Variants in DNA2 observed in about 807,000 individuals in gnomAD.
DNA2 encodes DNA replication helicase/nuclease 2.
A neutral mutation model predicts 119.1 loss-of-function variants in DNA2; 101 were observed. The observed-to-expected ratio is 0.85, with a 90% CI of 0.72 to 1.00. DNA2 has a LOEUF of 1.00. Ranked by LOEUF, DNA2 falls within the 50% of genes least tolerant of loss-of-function variation. DNA2 has a pLI of 0.00. For synonymous variants in DNA2, 366 were observed against 424.4 expected, an observed-to-expected ratio of 0.86 and a Z score of 1.69; for missense variants, 1,121 against 1,255.5, an observed-to-expected ratio of 0.89 and a Z score of 1.62.
At chr10:68,462,308 T>C (rs937742603) in intron 4 of DNA2, among the ~76,000 whole-genome samples, 2 of 151,764 alleles carry the variant, frequency 1.3e-5, no homozygotes, top group South Asian at 4.2e-4. Flanking sequence ...GAGGTGGAGG[T>C]TGCAGTGAGC....
intron 5 of DNA2, among the ~76,000 whole-genome samples, chr10:68,458,032 G>T (rs1008899719): frequency 9.9e-5 from 15 of 151,868 alleles, no homozygotes; most frequent in African/African-American, 3.6e-4. Context: ...AACTAGCCAG[G>T]TGTGGTGGCA....
At chr10:68,445,161 T>C in intron 7 of DNA2, 78 bp from the exon 8 acceptor site, 1 of 1,357,876 alleles carries the variant, frequency 7.4e-7, no homozygotes, top group Non-Finnish European at 1.0e-6. Flanking sequence ...ATGTAAAACT[T>C]GCAGATTTAA....
intron 19 of DNA2, among the ~76,000 whole-genome samples, chr10:68,417,455 G>C (rs1162385000): frequency 1.3e-5 from 2 of 148,558 alleles, no homozygotes; most frequent in African/African-American, 5.0e-5. Context: ...TAGAGCTCGG[G>C]AGTTGCCCAT....
At chr10:68,451,160 C>G (rs1207067358) in intron 5 of DNA2, among the ~76,000 whole-genome samples, 1 of 151,594 alleles carries the variant, frequency 6.6e-6, no homozygotes, top group East Asian at 1.9e-4. Context: ...GGCTCATTCA[C>G]CCAACACTTC....
intron 5 of DNA2, among the ~76,000 whole-genome samples, chr10:68,455,561 C>T (rs1253382339): frequency 3.3e-5 from 5 of 152,120 alleles, no homozygotes; most frequent in South Asian, 2.1e-4. Context: ...TGGCTCATGC[C>T]TGTAATCCCA....
At position 68,448,561 on chromosome 10, in the gene DNA2, T is replaced by A. The variant is rs550189199; in HGVS notation, c.939+1467A>T. Among the ~76,000 whole-genome samples, 166 of 152,356 alleles carry A rather than the reference T, an allele frequency of 1.1e-3. 1 individual carries two copies. Among genetic ancestry groups the A allele is most frequent in the African/African-American group, 3.7e-3 (155 of 41,600 alleles). ...ATGCAATATAAATTCCAACTTTTTT[T>A]AAGCCTTGTTCTAGCAAATTTCCTC... On this transcript the variant is annotated intron_variant, in intron 6 of 20. Coordinates refer to ENST00000358410, the MANE Select transcript of DNA2 (RefSeq NM_001080449.3).
chr10:68,458,415 C>A (rs951821626), intron 5 of DNA2, among the ~76,000 whole-genome samples: 1 of 151,144 alleles, frequency 6.6e-6, no homozygotes, highest in Non-Finnish European at 1.5e-5. Flanking sequence ...CGCCTGTAAT[C>A]CCAGGTACTT....
intron 4 of DNA2, among the ~76,000 whole-genome samples, chr10:68,462,224 T>G (rs887373248): frequency 1.3e-5 from 2 of 151,874 alleles, no homozygotes; most frequent in Non-Finnish European, 2.9e-5. Context: ...ACACAAAAAT[T>G]AGCCGGGTGT....
intron 5 of DNA2, among the ~76,000 whole-genome samples, chr10:68,455,065 A>C (rs1457077074): frequency 4.8e-5 from 7 of 144,808 alleles, no homozygotes; most frequent in Non-Finnish European, 1.0e-4. Flanking sequence ...CAGCCTCCCG[A>C]GTAGCTGGGA....
intron 7 of DNA2, among the ~76,000 whole-genome samples, chr10:68,445,741 TAG>T (rs1281910881): frequency 6.6e-6 from 1 of 152,120 alleles, no homozygotes; most frequent in Non-Finnish European, 1.5e-5. Context: ...TAATATAAAA[TAG>T]AAAGTTTGAA....
At chr10:68,439,485 C>T (rs1414308525) in intron 9 of DNA2, among the ~76,000 whole-genome samples, 4 of 152,098 alleles carry the variant, frequency 2.6e-5, no homozygotes, top group African/African-American at 7.2e-5. Flanking sequence ...TGGATCACCA[C>T]GAGATCAGGA....
intron 20 of DNA2, among the ~76,000 whole-genome samples, chr10:68,416,089 G>A (rs1001673316): frequency 1.3e-5 from 2 of 152,124 alleles, no homozygotes; most frequent in Non-Finnish European, 2.9e-5. Context: ...AAGGTGGGAC[G>A]ACTATTTGAG....
intron 10 of DNA2, among the ~76,000 whole-genome samples, chr10:68,433,311 CT>C (rs1364112905): frequency 6.6e-6 from 1 of 152,164 alleles, no homozygotes; most frequent in Non-Finnish European, 1.5e-5. Flanking sequence ...CTAAATACTT[CT>C]CAAAGTCATT....
rs745983135 is a variant in DNA2 at position 68,442,949 on chromosome 10, G to A, written c.1383C>T (p.His461=). ...AAGCAGGCATTAGCCAGATATTTTG[G>A]TGATTCTTTTTATTATCCTTCGATT... is the stretch of plus-strand genomic sequence containing the variant. ...ESQSKDNKKN[H]QNIWLMPASE... Residue 461 remains histidine, a synonymous_variant, in exon 9 of 21, where the codon CAC becomes CAT. Transcript: ENST00000358410. 6.2e-7 allele frequency: 1 copy of A among 1,612,612 alleles called. No homozygotes were observed. Among genetic ancestry groups the A allele is most frequent in the Non-Finnish European group, 8.5e-7 (1 of 1,179,504 alleles).
At chr10:68,432,578 C>CTAAA in intron 10 of DNA2, 68 bp from the exon 11 acceptor site, 1 of 875,258 alleles carries the variant, frequency 1.1e-6, no homozygotes, top group Non-Finnish European at 1.8e-6. Flanking sequence ...AAATATGCTG[C>CTAAA]TATCTGCTAA....
chr10:68,470,773 G>A (rs187086298), intron 1 of DNA2, among the ~76,000 whole-genome samples: 1 of 152,236 alleles, frequency 6.6e-6, no homozygotes, highest in East Asian at 1.9e-4. Flanking sequence ...GGTATTGTCC[G>A]TGGTTCACTG....
rs1005102849 is a variant in DNA2, at chr10:68,416,851, C to A, written c.2972G>T (p.Gly991Val). ...ACGTCGCCAATCTTTCAAGAGTTCA[C>A]CAACCTGTAAGAAATATAATTTTCA... Reference protein sequence around the residue: ...FVRSNKDGTVGELLKDWRRLN... With the variant: ...FVRSNKDGTVVELLKDWRRLN... The change falls in exon 20 of 21, where the codon GGT becomes GTT. Residue 991 changes from glycine (G) to valine (V), a missense_variant. Physicochemically the swap from Gly to Val is moderately radical, Grantham distance 109 (BLOSUM62 -3). Transcript: ENST00000358410. 8 of 1,603,288 alleles carry A rather than the reference C, an allele frequency of 5.0e-6. No homozygotes were observed. The highest frequency in any genetic ancestry group is 6.8e-6 in the Non-Finnish European group (8 of 1,175,058).
intron 2 of DNA2, among the ~76,000 whole-genome samples, chr10:68,468,911 G>C (rs1238450565): frequency 1.3e-5 from 2 of 152,060 alleles, no homozygotes; most frequent in South Asian, 2.1e-4. Flanking sequence ...TTAGCCGGGC[G>C]TGGTGGCGGA....
rs982143730 is a variant in DNA2 at position 68,432,398 on chromosome 10, C to A, written c.1759G>T (p.Val587Phe). 86 of 1,589,776 alleles carry A rather than the reference C, an allele frequency of 5.4e-5. No homozygotes were observed. The highest frequency in any genetic ancestry group is 7.1e-5 in the Non-Finnish European group (83 of 1,164,018). ...AATTTGCTCATTGTTACAAACCTGA[C>A]AAACGTGTTTTCCATCAATTTGGAA... ...NLSKLMENTF[V>F]SKKLRDLIID... is the part of the protein sequence containing the mutation. Residue 587 changes from valine (V) to phenylalanine (F), a missense_variant, in exon 11 of 21, where the codon GTC (valine) becomes TTC (phenylalanine). Coordinates refer to ENST00000358410, the MANE Select transcript of DNA2 (RefSeq NM_001080449.3).
Sources: allele counts gnomAD v4.1 joint callset (sites outside exome capture counted in the v4.1 genomes callset), GRCh38; gene constraint gnomAD v4.1.1; transcripts MANE v1.5; gene names NCBI Gene and HGNC (gene_info 2026-07-23, HGNC 2026-07-21).